Variants in FBXL17 observed in about 807,000 individuals in gnomAD.
FBXL17 encodes F-box and leucine rich repeat protein 17, also known as F-box/LRR-repeat protein 17.
FBXL17 carries 22 observed loss-of-function variants against 66.2 expected under a neutral mutation model. The observed-to-expected ratio is 0.33, with a 90% CI of 0.24 to 0.47. The LOEUF (loss-of-function observed/expected upper bound fraction) is 0.47, where lower values mean the gene tolerates loss of function less well. Ranked by LOEUF, FBXL17 falls within the 20% of genes least tolerant of loss-of-function variation. FBXL17 has a pLI of 1.00. For synonymous variants in FBXL17, 474 were observed against 400.5 expected, an observed-to-expected ratio of 1.18 and a Z score of -2.19; for missense variants, 878 against 948.2, an observed-to-expected ratio of 0.93 and a Z score of 0.97.
At chr5:108,048,978 A>T (rs959932295) in intron 6 of FBXL17, among the ~76,000 whole-genome samples, 1 of 152,162 alleles carries the variant, frequency 6.6e-6, no homozygotes, top group African/African-American at 2.4e-5. Context: ...GAGAAGATCA[A>T]CCCCAAGACA....
At chr5:107,928,650 G>T (rs1294305098) in intron 7 of FBXL17, among the ~76,000 whole-genome samples, 1 of 151,980 alleles carries the variant, frequency 6.6e-6, no homozygotes, top group East Asian at 1.9e-4. Flanking sequence ...ATTTTTGGGG[G>T]GAAGGAGAGA....
intron 6 of FBXL17, among the ~76,000 whole-genome samples, chr5:108,045,648 G>A (rs1199782923): frequency 6.6e-6 from 1 of 151,926 alleles, no homozygotes; most frequent in Non-Finnish European, 1.5e-5. Context: ...TTAGAAAATT[G>A]TATTTTGTAT....
intron 7 of FBXL17, among the ~76,000 whole-genome samples, chr5:107,908,587 A>G (rs892069168): frequency 6.6e-6 from 1 of 152,206 alleles, no homozygotes; most frequent in Non-Finnish European, 1.5e-5. Context: ...CTATGGATTT[A>G]TAGGTAGGGA....
chr5:108,001,478 GA>G (rs1298237324), intron 7 of FBXL17, among the ~76,000 whole-genome samples: 1 of 152,078 alleles, frequency 6.6e-6, no homozygotes, highest in African/African-American at 2.4e-5. Flanking sequence ...TGAAAATGCA[GA>G]AGGAAAATTA....
chr5:108,064,428 A>T (rs1485252280), intron 6 of FBXL17, among the ~76,000 whole-genome samples: 1 of 152,158 alleles, frequency 6.6e-6, no homozygotes, highest in African/African-American at 2.4e-5. Context: ...TGAGTGGTGA[A>T]CATGTATATT....
intron 4 of FBXL17, among the ~76,000 whole-genome samples, chr5:108,346,766 A>G (rs1181962591): frequency 6.6e-6 from 1 of 152,164 alleles, no homozygotes; most frequent in African/African-American, 2.4e-5. Flanking sequence ...AAATAGACAG[A>G]TATCAATAAC....
At chr5:108,225,711 T>A (rs879301037) in intron 4 of FBXL17, among the ~76,000 whole-genome samples, 1 of 152,222 alleles carries the variant, frequency 6.6e-6, no homozygotes, top group Non-Finnish European at 1.5e-5. Flanking sequence ...TTTGTGGTAC[T>A]TGGTTCTAAC....
At chr5:108,230,086 T>A (rs1755262286) in intron 4 of FBXL17, among the ~76,000 whole-genome samples, 1 of 152,196 alleles carries the variant, frequency 6.6e-6, no homozygotes, top group South Asian at 2.1e-4. Context: ...TTGGCGTAGA[T>A]GTGGTTAAAA....
chr5:107,867,796 A>G (rs1010748155), intron 8 of FBXL17, among the ~76,000 whole-genome samples: 3 of 152,152 alleles, frequency 2.0e-5, no homozygotes, highest in Non-Finnish European at 4.4e-5. Context: ...AGTGTTTAGT[A>G]TCTGGTGCCT....
intron 4 of FBXL17, among the ~76,000 whole-genome samples, chr5:108,262,736 C>T (rs1438864161): frequency 1.5e-5 from 1 of 67,706 alleles, no homozygotes; most frequent in African/African-American, 6.8e-5. Flanking sequence ...ACAACAAAAA[C>T]CACCATCAAA....
intron 7 of FBXL17, among the ~76,000 whole-genome samples, chr5:107,963,902 T>C (rs1293352941): frequency 6.6e-6 from 1 of 152,186 alleles, no homozygotes; most frequent in Non-Finnish European, 1.5e-5. Context: ...TTCTAATTAA[T>C]GAGGTTAATC....
At chr5:107,933,529 C>T (rs1431696708) in intron 7 of FBXL17, among the ~76,000 whole-genome samples, 1 of 152,112 alleles carries the variant, frequency 6.6e-6, no homozygotes, top group Non-Finnish European at 1.5e-5. Flanking sequence ...AAATCTAAAT[C>T]CTTTCTTGTC....
intron 8 of FBXL17, among the ~76,000 whole-genome samples, chr5:107,874,347 G>T (rs772505473): frequency 1.4e-4 from 21 of 152,162 alleles, no homozygotes; most frequent in Admixed American, 5.2e-4. Context: ...GTATGTATAT[G>T]TGAATAAATA....
chr5:108,230,028 T>C (rs1181237124), intron 4 of FBXL17, among the ~76,000 whole-genome samples: 2 of 152,062 alleles, frequency 1.3e-5, no homozygotes, highest in Non-Finnish European at 2.9e-5. Flanking sequence ...GATACCACCT[T>C]AGTCCTGCAA....
At chr5:107,978,369 A>G (rs1359607052) in intron 7 of FBXL17, among the ~76,000 whole-genome samples, 2 of 152,154 alleles carry the variant, frequency 1.3e-5, no homozygotes, top group African/African-American at 4.8e-5. Flanking sequence ...CCTTTGTAAA[A>G]CTAATGAAAG....
At chr5:107,880,661 G>T in intron 8 of FBXL17, 3 of 1,204,378 alleles carry the variant, frequency 2.5e-6, no homozygotes, top group Non-Finnish European at 3.1e-6. Context: ...CACCTTTACT[G>T]TTGCTGGAAA....
chr5:107,989,780 A>C lies in FBXL17; in HGVS notation c.1822+31145T>G, dbSNP rs1485204151. Among the ~76,000 whole-genome samples the C allele has an allele frequency of 7.9e-5, 12 of 152,238 alleles. No homozygotes were observed. In the South Asian group the frequency reaches 2.5e-3, roughly 32 times the overall value. On this transcript the variant is annotated intron_variant, in intron 7 of 8. Coordinates refer to ENST00000542267, the MANE Select transcript of FBXL17 (RefSeq NM_001163315.3). ...AGAAGGTGTTTTCATCAGAACATCT[A>C]AATAAGGGTGTATTTGCAGCTTGTA...
At position 108,095,414 on chromosome 5, in the gene FBXL17, A is replaced by T. The variant is rs146194757; in HGVS notation, c.1746-74413T>A. 2.8e-3 allele frequency among the ~76,000 whole-genome samples: 426 copies of T among 152,234 alleles called. 2 individuals carry two copies. The highest frequency in any genetic ancestry group is 9.7e-3 in the African/African-American group (404 of 41,576). Reference sequence around the variant, plus strand: ...TATGTCCACTGTGTGGAGAAACTCAATCTAAATAAAATTTAAATAAAGTAT... The same window carrying T: ...TATGTCCACTGTGTGGAGAAACTCATTCTAAATAAAATTTAAATAAAGTAT... On this transcript the variant is annotated intron_variant, in intron 6 of 8. Transcript: ENST00000542267.
chr5:107,896,785 C>T lies in FBXL17; in HGVS notation c.1823-15606G>A, dbSNP rs184008899. On this transcript the variant is annotated intron_variant, in intron 7 of 8. Transcript: ENST00000542267. ...AGAATAAATGAATCCAACGTAAAGACCATTGAAAATAAGAAAAGAGAATTT... is the reference window on the plus strand; with the variant it reads ...AGAATAAATGAATCCAACGTAAAGATCATTGAAAATAAGAAAAGAGAATTT... 1.4e-3 allele frequency among the ~76,000 whole-genome samples: 217 copies of T among 152,094 alleles called. 2 individuals are homozygous for T. The highest frequency in any genetic ancestry group is 0.013 in the Admixed American group (198 of 15,234).
Sources: gnomAD v4.1 joint callset for allele counts (sites outside exome capture counted in the v4.1 genomes callset) on GRCh38, gnomAD v4.1.1 for gene constraint, MANE v1.5 for transcripts, NCBI Gene and HGNC (gene_info 2026-07-23, HGNC 2026-07-21) for gene names.